CMTM7: variants seen among roughly 807,000 people sequenced by gnomAD.
CMTM7 encodes CKLF like MARVEL transmembrane domain containing 7.
A neutral mutation model predicts 19.3 loss-of-function variants in CMTM7; 7 were observed. That is an observed-to-expected ratio of 0.36 (90% confidence interval 0.21 to 0.68). CMTM7 has a LOEUF of 0.68. CMTM7 is among the 30% of genes least tolerant of loss of function. The pLI, the probability that CMTM7 is intolerant of heterozygous loss-of-function variation, is 0.60. For synonymous variants in CMTM7, 87 were observed against 99.3 expected (o/e 0.88, Z 0.74); for missense variants, 193 against 232.6 (o/e 0.83, Z 1.11).
chr3:32,452,742 TTTTTCTTTAC>T (rs1696855122), intron 4 of CMTM7, among the ~76,000 whole-genome samples: 1 of 151,314 alleles, frequency 6.6e-6, no homozygotes, highest in Non-Finnish European at 1.5e-5. Context: ...CCTTTCTTTC[TTTTTCTTTAC>T]TTTTCTTTTT....
chr3:32,400,091 C>T lies in CMTM7; in HGVS notation c.159+8026C>T, dbSNP rs545946904. Reference sequence around the variant, plus strand: ...TTGGAGTGCAGTGGTGCGGTTTCAGCTCACTGCAACCTCTGCCTCCCAGGA... The same window carrying T: ...TTGGAGTGCAGTGGTGCGGTTTCAGTTCACTGCAACCTCTGCCTCCCAGGA... On this transcript the variant is annotated intron_variant, in intron 1 of 4. Transcript: ENST00000334983. Among the ~76,000 whole-genome samples the T allele has an allele frequency of 3.9e-5, 6 of 152,116 alleles. No individual in the cohort carries two copies. The South Asian group carries it at 1.2e-3, about 32-fold the overall frequency.
chr3:32,438,483 CTT>C (rs747639518), intron 1 of CMTM7, among the ~76,000 whole-genome samples: 13 of 141,738 alleles, frequency 9.2e-5, no homozygotes, highest in Non-Finnish European at 9.3e-5. Flanking sequence ...TCAGTCAAAT[CTT>C]TTTTTTTTTT....
At chr3:32,423,140 C>T (rs1213956356) in intron 1 of CMTM7, among the ~76,000 whole-genome samples, 1 of 152,152 alleles carries the variant, frequency 6.6e-6, no homozygotes, top group East Asian at 1.9e-4. Context: ...CTGATCTGGG[C>T]TGGCTTCTCC....
At chr3:32,452,078 C>G (rs961325548) in intron 3 of CMTM7, 1 of 1,392,078 alleles carries the variant, frequency 7.2e-7, no homozygotes, top group Non-Finnish European at 9.5e-7. Flanking sequence ...TAATCAAAGT[C>G]CATTGGCTTA....
chr3:32,416,382 T>TTTTTTTTTTTTC (rs1696264777), intron 1 of CMTM7, among the ~76,000 whole-genome samples: 1 of 100,226 alleles, frequency 1.0e-5, no homozygotes, highest in South Asian at 4.0e-4. Context: ...TTTTTTTTTT[T>TTTTTTTTTTTTC]TTTTTTTTTT....
chr3:32,435,647 A>T (rs958715298), intron 1 of CMTM7, among the ~76,000 whole-genome samples: 2 of 152,174 alleles, frequency 1.3e-5, no homozygotes, highest in Admixed American at 1.3e-4. Flanking sequence ...AAAGGCCAGG[A>T]TGCTGTGATA....
At chr3:32,441,377 A>G (rs763188040) in intron 1 of CMTM7, among the ~76,000 whole-genome samples, 1 of 152,190 alleles carries the variant, frequency 6.6e-6, no homozygotes, top group South Asian at 2.1e-4. Flanking sequence ...CTGTCAGTTG[A>G]TAGCTGTAAG....
chr3:32,393,202 G>A (rs1695865135), intron 1 of CMTM7, among the ~76,000 whole-genome samples: 1 of 152,220 alleles, frequency 6.6e-6, no homozygotes, highest in Non-Finnish European at 1.5e-5. Flanking sequence ...TGGCCCTCAT[G>A]TCTTGCTTGG....
chr3:32,435,092 C>G (rs1045050364), intron 1 of CMTM7, among the ~76,000 whole-genome samples: 1 of 152,202 alleles, frequency 6.6e-6, no homozygotes, highest in African/African-American at 2.4e-5. Context: ...AATTTCACTT[C>G]TAGGAGTCTA....
Position 32,454,225 on chromosome 3 carries a change from C to T in CMTM7, c.515-16C>T. On this transcript the variant is annotated splice_polypyrimidine_tract_variant and intron_variant, in intron 4 of 4. Coordinates refer to ENST00000334983, the MANE Select transcript of CMTM7 (RefSeq NM_138410.4). ...CATCCCTGGCAAGCTGTCCTGACTGCCATTTCCTTCCCAAGATGCAGCCGT... is the reference window on the plus strand; with the variant it reads ...CATCCCTGGCAAGCTGTCCTGACTGTCATTTCCTTCCCAAGATGCAGCCGT... 6.3e-7 allele frequency: 1 copy of T among 1,593,544 alleles called. No individual in the cohort carries two copies. Among genetic ancestry groups the T allele is most frequent in the Admixed American group, 1.7e-5 (1 of 58,874 alleles).
chr3:32,394,843 G>A (rs1008317747), intron 1 of CMTM7, among the ~76,000 whole-genome samples: 5 of 149,042 alleles, frequency 3.4e-5, no homozygotes, highest in African/African-American at 5.0e-5. Flanking sequence ...CTACAGGCAC[G>A]TGCCACCACA....
chr3:32,407,626 C>G (rs1696108440), intron 1 of CMTM7, among the ~76,000 whole-genome samples: 1 of 152,136 alleles, frequency 6.6e-6, no homozygotes, highest in South Asian at 2.1e-4. Context: ...AACACAGACC[C>G]TTGTGTTGAT....
chr3:32,444,031 G>A (rs1696717896), intron 2 of CMTM7, among the ~76,000 whole-genome samples: 1 of 151,996 alleles, frequency 6.6e-6, no homozygotes, highest in African/African-American at 2.4e-5. Flanking sequence ...TTTTGATGGT[G>A]TCCTTTAAAG....
At chr3:32,428,999 A>C (rs1696474295) in intron 1 of CMTM7, among the ~76,000 whole-genome samples, 1 of 152,214 alleles carries the variant, frequency 6.6e-6, no homozygotes, top group Admixed American at 6.5e-5. Flanking sequence ...GTAGAGCCTC[A>C]TCGTTTGGTC....
Position 32,441,893 on chromosome 3 carries a change from C to A in CMTM7, c.213C>A (p.Tyr71Ter). The change falls in exon 2 of 5, where the codon TAC becomes TAA. Residue 71 changes from tyrosine (Y) to a stop codon, truncating the protein, a stop_gained. Transcript: ENST00000334983. LOFTEE classifies it high-confidence loss of function. ...TGCGGAGCTCCCTGTGGACCAACTA[C>A]AGCGCCTACAGCTACTTTGAAGTGG... ...ICVRSSLWTNYSAYSYFEVVT... is the reference protein window; with the variant it reads ...ICVRSSLWTN The A allele has an allele frequency of 3.7e-6, 6 of 1,614,200 alleles. No homozygotes were observed. The highest frequency in any genetic ancestry group is 5.1e-6 in the Non-Finnish European group (6 of 1,180,016).
intron 1 of CMTM7, among the ~76,000 whole-genome samples, chr3:32,416,364 T>C (rs1696263294): frequency 9.7e-5 from 1 of 10,358 alleles, no homozygotes; most frequent in Admixed American, 6.9e-4. Context: ...CGGGCTAATT[T>C]TTTTTTTTTT....
chr3:32,414,597 T>G (rs1696230379), intron 1 of CMTM7, among the ~76,000 whole-genome samples: 1 of 152,146 alleles, frequency 6.6e-6, no homozygotes, highest in Non-Finnish European at 1.5e-5. Flanking sequence ...GCTGGGGAAG[T>G]GTGGCTTCTC....
chr3:32,429,169 T>C (rs927396818), intron 1 of CMTM7, among the ~76,000 whole-genome samples: 1 of 152,228 alleles, frequency 6.6e-6, no homozygotes, highest in Non-Finnish European at 1.5e-5. Context: ...ATAAAAAGAA[T>C]AATTTCACAA....
chr3:32,436,802 T>C (rs1696604342), intron 1 of CMTM7, among the ~76,000 whole-genome samples: 1 of 151,990 alleles, frequency 6.6e-6, no homozygotes, highest in African/African-American at 2.4e-5. Context: ...GAGGAAATGT[T>C]CCCAAGCATG....
Sources: gnomAD v4.1 joint callset for allele counts (sites outside exome capture counted in the v4.1 genomes callset) on GRCh38, gnomAD v4.1.1 for gene constraint, MANE v1.5 for transcripts, NCBI Gene and HGNC (gene_info 2026-07-23, HGNC 2026-07-21) for gene names.